The following MAN1B1 variants were observed in gnomAD, a reference collection of about 807,000 sequenced individuals.
The protein encoded by MAN1B1 is mannosidase alpha class 1B member 1.
Under a neutral mutation model 75.5 loss-of-function variants are expected in MAN1B1, and 66 were observed. That is an observed-to-expected ratio of 0.87 (90% CI 0.72 to 1.07). The LOEUF (loss-of-function observed/expected upper bound fraction) is 1.07, where lower values mean the gene tolerates loss of function less well. MAN1B1 is among the 50% of genes least tolerant of loss of function. The probability of loss-of-function intolerance (pLI) is 0.00; values close to 1 mark genes in which losing one functional copy is unlikely to be tolerated. For synonymous variants in MAN1B1, 453 were observed against 382.8 expected (o/e 1.18, Z -2.14); for missense variants, 973 against 912.5 (o/e 1.07, Z -0.85).
At chr9:137,097,576 C>T (rs1001663442) in intron 4 of MAN1B1, among the ~76,000 whole-genome samples, 8 of 152,214 alleles carry the variant, frequency 5.3e-5, no homozygotes, top group Admixed American at 1.3e-4. Context: ...GGATTTCTCA[C>T]GATTCTCCAA....
At chr9:137,099,037 C>T (rs1001323491) in intron 5 of MAN1B1, among the ~76,000 whole-genome samples, 2 of 152,096 alleles carry the variant, frequency 1.3e-5, no homozygotes, top group South Asian at 2.1e-4. Context: ...GCGATGTTGG[C>T]GAGGCTGGTC....
intron 2 of MAN1B1, 59 bp downstream of exon 2, chr9:137,088,242 G>A: frequency 1.2e-6 from 2 of 1,613,830 alleles, no homozygotes; most frequent in Non-Finnish European, 1.7e-6. Context: ...TTGGGCAGAA[G>A]CAATCTTGCA....
rs1276298503 is a variant in MAN1B1, at chr9:137,106,820, C to T, written c.1566+11C>T. 4 of 1,612,388 alleles carry T rather than the reference C, an allele frequency of 2.5e-6. No individual in the cohort carries two copies. The highest frequency in any genetic ancestry group is 3.4e-6 in the Non-Finnish European group (4 of 1,179,504). On this transcript the variant is annotated intron_variant, in intron 10 of 12. Coordinates refer to ENST00000371589, the MANE Select transcript of MAN1B1 (RefSeq NM_016219.5). ...TTCAGTGCCAAGATGGTGAGTGTGT[C>T]TGCGGGGCCTTCCGGCCGCCGCCCC...
At chr9:137,102,048 C>A (rs1440503545) in intron 8 of MAN1B1, 1 of 462,480 alleles carries the variant, frequency 2.2e-6, no homozygotes, top group African/African-American at 2.0e-5. Context: ...GGTGCTGTTA[C>A]ACACATGCTG....
At chr9:137,097,651 C>T (rs138405385) in intron 4 of MAN1B1, among the ~76,000 whole-genome samples, 177 bp from the exon 5 acceptor site, 2 of 152,342 alleles carry the variant, frequency 1.3e-5, no homozygotes, top group African/African-American at 4.8e-5. Context: ...GGCTCTCAGG[C>T]ACGGGAGCTC....
At chr9:137,096,505 A>G in intron 4 of MAN1B1, 114 bp downstream of exon 4, 1 of 1,364,318 alleles carries the variant, frequency 7.3e-7, no homozygotes, top group Non-Finnish European at 1.0e-6. Flanking sequence ...CTGACAGTGT[A>G]TGCTCTGTAA....
rs150211352 is a variant in MAN1B1, at chr9:137,106,730, C to T, written c.1487C>T (p.Thr496Met). ...GTGGAAGCCATCGAGGGTGTCAGAA[C>T]GCACCTGCTGCGGCACTCCGAGCCC... ...DYVEAIEGVR[T>M]HLLRHSEPSK... Residue 496 changes from threonine (T) to methionine (M), a missense_variant, in exon 10 of 13, where the codon ACG becomes ATG. Thr to Met is a moderately conservative substitution (Grantham distance 81). Coordinates refer to ENST00000371589, the MANE Select transcript of MAN1B1 (RefSeq NM_016219.5). 2.4e-5 allele frequency: 39 copies of T among 1,613,516 alleles called. No individual in the cohort carries two copies. The highest frequency in any genetic ancestry group is 1.7e-4 in the African/African-American group (13 of 75,066).
chr9:137,087,040 C>A lies in MAN1B1; in HGVS notation c.41C>A (p.Ser14Tyr). Residue 14 changes from serine to tyrosine, a missense_variant, in exon 1 of 13, where the codon TCC (serine) becomes TAC (tyrosine). By Grantham distance (144) the Ser-to-Tyr change is moderately radical. Transcript: ENST00000371589. ...GGCAGGAGAAGCGGAGCTCTCGGTT[C>A]CTCTCAGTCGGACTTCCTGACGCCG... ...CEGRRSGALG[S>Y]SQSDFLTPPV... is the part of the protein sequence containing the mutation. 1 of 1,603,994 alleles carries A rather than the reference C, an allele frequency of 6.2e-7. No individual in the cohort carries two copies. Among genetic ancestry groups the A allele is most frequent in the Non-Finnish European group, 8.5e-7 (1 of 1,176,994 alleles).
rs774085988 is a variant in MAN1B1 at position 137,107,705 on chromosome 9, C to T, written c.1896+43C>T. On this transcript the variant is annotated intron_variant, in intron 12 of 12. Coordinates refer to ENST00000371589, the MANE Select transcript of MAN1B1 (RefSeq NM_016219.5). ...CCCCGCGTGGTCACGGCCACCGGGCCACAGGCACGGCTGGGCTGTGGGGCT... is the reference window on the plus strand; with the variant it reads ...CCCCGCGTGGTCACGGCCACCGGGCTACAGGCACGGCTGGGCTGTGGGGCT... The T allele has an allele frequency of 2.5e-6, 4 of 1,610,556 alleles. No homozygotes were observed. In the African/African-American group the frequency reaches 4.0e-5, roughly 16 times the overall value.
At chr9:137,106,377 C>T (rs898064818) in intron 9 of MAN1B1, 62 bp downstream of exon 9, 1 of 1,435,662 alleles carries the variant, frequency 7.0e-7, no homozygotes, top group African/African-American at 1.4e-5. Context: ...CCCCCCACTC[C>T]TGCTGCCCCC....
intron 3 of MAN1B1, among the ~76,000 whole-genome samples, chr9:137,095,786 C>T (rs149963967): frequency 4.5e-4 from 68 of 152,200 alleles, no homozygotes; most frequent in African/African-American, 1.6e-3. Context: ...CTAGAAGGCC[C>T]GCATCACACA....
At chr9:137,090,735 C>T (rs1485667062) in intron 3 of MAN1B1, among the ~76,000 whole-genome samples, 1 of 152,050 alleles carries the variant, frequency 6.6e-6, no homozygotes, top group Non-Finnish European at 1.5e-5. Context: ...AGACGTGTTT[C>T]ACTATGTTGG....
chr9:137,108,663 G>A lies in MAN1B1; in HGVS notation c.*72G>A, dbSNP rs749613732. 9.7e-6 allele frequency: 14 copies of A among 1,447,608 alleles called. No individual in the cohort carries two copies. The highest frequency in any genetic ancestry group is 1.7e-4 in the Middle Eastern group (1 of 5,810). The allele number at this position is 1,447,608 out of a possible 1,614,324, so 89.7% of individuals were successfully genotyped here. On this transcript the variant is annotated 3_prime_UTR_variant, in exon 13 of 13. Transcript: ENST00000371589. ...TGCTGGGTCTGTGGCATTTTCCAAG[G>A]GCCCACGTAGCACCGGCAACCGCCA...
chr9:137,106,372 C>T, intron 9 of MAN1B1, 57 bp downstream of exon 9: 2 of 1,461,900 alleles, frequency 1.4e-6, no homozygotes, highest in Non-Finnish European at 1.9e-6. Context: ...CGCAGCCCCC[C>T]ACTCCTGCTG....
chr9:137,108,277 A>G, intron 12 of MAN1B1, 111 bp from the exon 13 acceptor site: 1 of 986,110 alleles, frequency 1.0e-6, no homozygotes, highest in East Asian at 2.5e-5. Flanking sequence ...CTCCACCCTG[A>G]GCTTGCGCTG....
At chr9:137,087,455 G>A (rs1190691051) in intron 1 of MAN1B1, 1 of 696,064 alleles carries the variant, frequency 1.4e-6, no homozygotes, top group Non-Finnish European at 2.6e-6. Context: ...AGAGGGCTCA[G>A]AGCCCCAGCA....
At chr9:137,088,204 TGAAAAC>T (rs1830427230) in intron 2 of MAN1B1, 21 bp downstream of exon 2, 9 of 1,614,080 alleles carry the variant, frequency 5.6e-6, no homozygotes, top group Non-Finnish European at 6.8e-6. Flanking sequence ...CACGTGTACT[TGAAAAC>T]GATATCTGTG....
At chr9:137,094,753 G>T (rs1017936396) in intron 3 of MAN1B1, among the ~76,000 whole-genome samples, 17 of 151,992 alleles carry the variant, frequency 1.1e-4, no homozygotes, top group Non-Finnish European at 2.1e-4. Context: ...GGTGGCGGGC[G>T]CCTGTAATCC....
At chr9:137,105,221 T>A (rs910136779) in intron 8 of MAN1B1, 1 of 152,692 alleles carries the variant, frequency 6.5e-6, no homozygotes, top group Non-Finnish European at 1.5e-5. Flanking sequence ...AGCTGGTCAG[T>A]TTATTGTTGC....
Sources: allele counts gnomAD v4.1 joint callset (sites outside exome capture counted in the v4.1 genomes callset), GRCh38; gene constraint gnomAD v4.1.1; transcripts MANE v1.5; gene names NCBI Gene and HGNC (gene_info 2026-07-23, HGNC 2026-07-21).